CRIP2: variants seen among roughly 807,000 people sequenced by gnomAD.
CRIP2 encodes the protein cysteine-rich protein 2.
Under a neutral mutation model 31.3 loss-of-function variants are expected in CRIP2, and 31 were observed. The ratio of observed to expected loss-of-function variants is 0.99; its 90% CI spans 0.74 to 1.34. The LOEUF (loss-of-function observed/expected upper bound fraction) is 1.34, where lower values mean the gene tolerates loss of function less well. Ranked by LOEUF, CRIP2 falls within the 40% of genes most tolerant of loss-of-function variation. The pLI is 0.00. For missense variants in CRIP2, 389 were observed against 301.6 expected (o/e 1.29, Z -2.15); for synonymous variants, 177 against 127.2 (o/e 1.39, Z -2.63).
At chr14:105,476,534 C>T (rs2083936077) in intron 1 of CRIP2, 8 of 985,410 alleles carry the variant, frequency 8.1e-6, no homozygotes, top group Middle Eastern at 5.2e-4. Flanking sequence ...TTCTGTGTTC[C>T]CAACTCGGAC....
intron 1 of CRIP2, chr14:105,475,908 C>T: frequency 1.0e-6 from 1 of 985,518 alleles, no homozygotes; most frequent in Non-Finnish European, 1.2e-6. Flanking sequence ...GCCCTGGTCG[C>T]CCCATACCCA....
Position 105,478,576 on chromosome 14 carries a change from G to A in CRIP2, c.196+69G>A. ...GGGGCGTGGCGCTGGCGCTGGGGAGGGCTGGGGGTCCCGGCCGCCGTGGAT... is the reference window on the plus strand; with the variant it reads ...GGGGCGTGGCGCTGGCGCTGGGGAGAGCTGGGGGTCCCGGCCGCCGTGGAT... On this transcript the variant is annotated intron_variant, in intron 3 of 7. Transcript: ENST00000329146. This position sits in a 1 kb window ranked among gnomAD's most constrained non-coding sequence, Gnocchi z 4.9. 1 of 1,552,520 alleles carries A rather than the reference G, an allele frequency of 6.4e-7. No individual in the cohort carries two copies. Among genetic ancestry groups the A allele is most frequent in the Non-Finnish European group, 8.7e-7 (1 of 1,150,176 alleles).
In CRIP2 at chr14:105,479,776, TGGA is replaced by T; in HGVS notation, c.*129_*131del. The T allele has an allele frequency of 9.0e-7, 1 of 1,109,670 alleles. No homozygotes were observed. Among genetic ancestry groups the T allele is most frequent in the South Asian group, 1.4e-5 (1 of 71,256 alleles). The allele number at this position is 1,109,670 out of a possible 1,614,324, so 68.7% of individuals were successfully genotyped here. Reference sequence around the variant, plus strand: ...CTGCCTGCAAGCCCAGGGCGAGTATTGGAGGAGGGGCAGCCACGGGCAGAGCAC... The same window carrying T: ...CTGCCTGCAAGCCCAGGGCGAGTATTGGAGGGGCAGCCACGGGCAGAGCAC... On this transcript the variant is annotated 3_prime_UTR_variant, in exon 8 of 8. Coordinates refer to ENST00000329146, the MANE Select transcript of CRIP2 (RefSeq NM_001312.4).
At chr14:105,476,524 TTC>T in intron 1 of CRIP2, 1 of 985,470 alleles carries the variant, frequency 1.0e-6, no homozygotes, top group Non-Finnish European at 1.2e-6. Flanking sequence ...ACCCAATCGA[TTC>T]TGTGTTCCCA....
upstream of CRIP2, among the ~76,000 whole-genome samples, chr14:105,473,979 A>G (rs908337969): frequency 4.6e-5 from 7 of 152,008 alleles, no homozygotes; most frequent in Admixed American, 3.3e-4. Flanking sequence ...TTCCCTTCCT[A>G]ACTCCTCACC....
rs145201995 is a variant in CRIP2 at position 105,479,160 on chromosome 14, C to T, written c.442C>T (p.Arg148Trp). Residue 148 changes from arginine (R) to tryptophan (W), a missense_variant, in exon 6 of 8, where the codon CGG (arginine) becomes TGG (tryptophan). By Grantham distance (101) the Arg-to-Trp change is moderately radical. Transcript: ENST00000329146. ...GACGTCTCTGGGCAAGGATTGGCAC[C>T]GGCCCTGCCTGCGCTGCGAGCGCTG... ...KVTSLGKDWH[R>W]PCLRCERCGK... 7 of 1,611,664 alleles carry T rather than the reference C, an allele frequency of 4.3e-6. No homozygotes were observed. In the Admixed American group the frequency reaches 5.0e-5, roughly 12 times the overall value.
chr14:105,479,362 C>G, intron 6 of CRIP2, 74 bp from the exon 7 acceptor site: 1 of 1,597,350 alleles, frequency 6.3e-7, no homozygotes, highest in Non-Finnish European at 8.6e-7. Context: ...CCGGCCTGCA[C>G]GTTCTGGAAG....
chr14:105,477,951 C>CGCGGGCAGGTGT (rs1567061869), intron 1 of CRIP2, among the ~76,000 whole-genome samples: 1 of 115,648 alleles, frequency 8.6e-6, no homozygotes, highest in African/African-American at 6.7e-5. Context: ...CGCGGGCAGG[C>CGCGGGCAGGTGT]TCGAGCACAG....
rs1250041540 is a variant in CRIP2, at chr14:105,478,640, C to A, written c.197-91C>A. The A allele has an allele frequency of 6.8e-7, 1 of 1,468,942 alleles. No individual in the cohort carries two copies. The highest frequency in any genetic ancestry group is 9.1e-7 in the Non-Finnish European group (1 of 1,103,972). The allele number at this position is 1,468,942 out of a possible 1,614,324, so 91.0% of individuals were successfully genotyped here. On this transcript the variant is annotated intron_variant, in intron 3 of 7. Coordinates refer to ENST00000329146, the MANE Select transcript of CRIP2 (RefSeq NM_001312.4). This position sits in a 1 kb window ranked among gnomAD's most constrained non-coding sequence, Gnocchi z 4.9. Reference sequence around the variant, plus strand: ...CCCTGCCACCCTGGAAAGCCTAGTGCCCCCCAGTCCCCAGCGGGCCGTTTT... The same window carrying A: ...CCCTGCCACCCTGGAAAGCCTAGTGACCCCCAGTCCCCAGCGGGCCGTTTT...
In CRIP2 at chr14:105,478,494, G is replaced by A. The variant is rs782334918; in HGVS notation, c.183G>A (p.Leu61=). 5 of 1,609,130 alleles carry A rather than the reference G, an allele frequency of 3.1e-6. No individual in the cohort carries two copies. Among genetic ancestry groups the A allele is most frequent in the Non-Finnish European group, 4.2e-6 (5 of 1,179,082 alleles). The change falls in exon 3 of 8, where the codon CTG becomes CTA. Residue 61 remains leucine (L), a synonymous_variant. Coordinates refer to ENST00000329146, the MANE Select transcript of CRIP2 (RefSeq NM_001312.4). The surrounding 1 kb of genome is among the most constrained non-coding windows in gnomAD (Gnocchi z 4.9). ...GCCACAAGCCGTGCTACGCCACCCT[G>A]TTCGGACCCAAAGGTGAGCTCCGGC... ...PFCHKPCYAT[L]FGPKGVNIGG...
At chr14:105,473,629 G>A, upstream of CRIP2, 2 of 1,302,316 alleles carry the variant, frequency 1.5e-6, no homozygotes, top group Non-Finnish European at 2.1e-6. Flanking sequence ...CTCCCAGGCC[G>A]ACGCTCAGCT....
At chr14:105,477,150 C>T in intron 1 of CRIP2, 1 of 484,790 alleles carries the variant, frequency 2.1e-6, no homozygotes, top group East Asian at 1.5e-4. Flanking sequence ...GTCCCCTTCC[C>T]TTCAGAATTC....
In CRIP2 at chr14:105,479,163, C is replaced by T. The variant is rs1034098714; in HGVS notation, c.445C>T (p.Pro149Ser). The T allele has an allele frequency of 6.2e-6, 10 of 1,611,664 alleles. No homozygotes were observed. The highest frequency in any genetic ancestry group is 1.1e-5 in the South Asian group (1 of 91,066). ...GTCTCTGGGCAAGGATTGGCACCGG[C>T]CCTGCCTGCGCTGCGAGCGCTGCGG... ...VTSLGKDWHRPCLRCERCGKT... is the reference protein window; with the variant it reads ...VTSLGKDWHRSCLRCERCGKT... The change falls in exon 6 of 8, where the codon CCC (proline) becomes TCC (serine). Residue 149 changes from proline to serine, a missense_variant. Physicochemically the swap from Pro to Ser is moderately conservative, Grantham distance 74. Coordinates refer to ENST00000329146, the MANE Select transcript of CRIP2 (RefSeq NM_001312.4).
chr14:105,479,383 A>G (rs2084037142), intron 6 of CRIP2, 53 bp from the exon 7 acceptor site: 4 of 1,608,798 alleles, frequency 2.5e-6, no homozygotes, highest in Middle Eastern at 1.6e-4. Flanking sequence ...CCTCCAGGTG[A>G]TGGGTCGGGG....
Position 105,480,041 on chromosome 14 carries a change from C to G in CRIP2, c.*388C>G. On this transcript the variant is annotated 3_prime_UTR_variant, in exon 8 of 8. Coordinates refer to ENST00000329146, the MANE Select transcript of CRIP2 (RefSeq NM_001312.4). ...GGCCACGCCCTCACCATGTCCCTGG[C>G]AGAGGGCTTCCCTCCGGGATCCCCT... 1 of 226,440 alleles carries G rather than the reference C, an allele frequency of 4.4e-6. No homozygotes were observed. Among genetic ancestry groups the G allele is most frequent in the East Asian group, 1.1e-4 (1 of 8,766 alleles). 14.0% of individuals were successfully genotyped at this position (226,440 alleles called of 1,614,324 possible).
Position 105,475,027 on chromosome 14 carries a change from C to T in CRIP2, c.43+122C>T, listed in dbSNP as rs2083902528. The stretch of plus-strand genomic sequence containing the variant: ...CGGCCCCGGCCCCGGACCGAGGATG[C>T]GCGTCCCGGAGGCTGGCTGGCCGCG... On this transcript the variant is annotated intron_variant, in intron 1 of 7. Coordinates refer to ENST00000329146, the MANE Select transcript of CRIP2 (RefSeq NM_001312.4). 6 of 1,142,778 alleles carry T rather than the reference C, an allele frequency of 5.3e-6. No individual in the cohort carries two copies. In the South Asian group the frequency reaches 8.4e-5, roughly 16 times the overall value. 70.8% of individuals were successfully genotyped at this position (1,142,778 alleles called of 1,614,324 possible).
In CRIP2 at chr14:105,479,092, C is replaced by G. The variant is rs782195324; in HGVS notation, c.407-33C>G. 5 of 1,602,566 alleles carry G rather than the reference C, an allele frequency of 3.1e-6. No homozygotes were observed. The East Asian group carries it at 1.1e-4, about 36-fold the overall frequency. On this transcript the variant is annotated intron_variant, in intron 5 of 7. Transcript: ENST00000329146. Reference sequence around the variant, plus strand: ...CCGGACCCCCGCCCCCGCCCCCGCCCCGGGGCTCGGCCTCACTCCTCCCCC... The same window carrying G: ...CCGGACCCCCGCCCCCGCCCCCGCCGCGGGGCTCGGCCTCACTCCTCCCCC...
chr14:105,480,101 A>C lies in CRIP2; in HGVS notation c.*448A>C, dbSNP rs1140329. 1 of 196,282 alleles carries C rather than the reference A, an allele frequency of 5.1e-6. No homozygotes were observed. The allele number at this position is 196,282 out of a possible 1,614,324, so 12.2% of individuals were successfully genotyped here. A position where few individuals can be genotyped will look rare whatever the true frequency, so the allele number is the denominator to read the frequency against. On this transcript the variant is annotated 3_prime_UTR_variant, in exon 8 of 8. Transcript: ENST00000329146. ...CCACACTGCCTCGCAAGCGCTCGCC[A>C]CCCTCACGTGGCTCACCTGCTGTTG...
In CRIP2 at chr14:105,474,943, C is replaced by T. The variant is rs1331780895; in HGVS notation, c.43+38C>T. ...CCGCTCCCGGCCCGCTCGGTGCATCCCGCCGCCCTTCGCGGCCAGTCCCGC... is the reference window on the plus strand; with the variant it reads ...CCGCTCCCGGCCCGCTCGGTGCATCTCGCCGCCCTTCGCGGCCAGTCCCGC... On this transcript the variant is annotated intron_variant, in intron 1 of 7. Transcript: ENST00000329146. This position sits in a 1 kb window ranked among gnomAD's most constrained non-coding sequence, Gnocchi z 5.1. 6.8e-7 allele frequency: 1 copy of T among 1,480,506 alleles called. No individual in the cohort carries two copies. Among genetic ancestry groups the T allele is most frequent in the East Asian group, 3.0e-5 (1 of 32,814 alleles). 91.7% of individuals were successfully genotyped at this position (1,480,506 alleles called of 1,614,324 possible). A position where few individuals can be genotyped will look rare whatever the true frequency, so the allele number is the denominator to read the frequency against.
Sources: gnomAD v4.1 joint callset for allele counts (sites outside exome capture counted in the v4.1 genomes callset) on GRCh38, gnomAD v4.1.1 for gene constraint, Gnocchi (gnomAD v3.1) non-coding constraint, MANE v1.5 for transcripts, NCBI Gene and HGNC (gene_info 2026-07-23, HGNC 2026-07-21) for gene names.